Variants in HCRTR2 observed in about 807,000 individuals in gnomAD.
HCRTR2 encodes the protein orexin receptor type 2.
A neutral mutation model predicts 49.0 loss-of-function variants in HCRTR2; 22 were observed. That is an observed-to-expected ratio of 0.45 (90% CI 0.32 to 0.64). HCRTR2 has a LOEUF of 0.64. HCRTR2 is among the 30% of genes least tolerant of loss of function. The pLI is 0.04. For synonymous variants in HCRTR2, 236 were observed against 205.3 expected (o/e 1.15, Z -1.28); for missense variants, 491 against 559.4 (o/e 0.88, Z 1.23).
chr6:55,255,079 G>C (rs1008174456), intron 2 of HCRTR2, 57 bp from the exon 3 acceptor site: 99 of 1,583,306 alleles, frequency 6.3e-5, no homozygotes, highest in Middle Eastern at 1.9e-4. Context: ...AATATATTAA[G>C]AGTAATTCTT....
rs967173026 is a variant in HCRTR2, at chr6:55,248,520, C to T, written c.224-119C>T. ...AGATTCAGTGAAAACACGGCACAGC[C>T]TTCAATTATTTTTCTTTTTAAATAC... On this transcript the variant is annotated intron_variant, in intron 1 of 6. Coordinates refer to ENST00000370862, the MANE Select transcript of HCRTR2 (RefSeq NM_001384272.1). 4 of 823,586 alleles carry T rather than the reference C, an allele frequency of 4.9e-6. No individual in the cohort carries two copies. In the African/African-American group the frequency reaches 5.1e-5, roughly 10 times the overall value. The allele number at this position is 823,586 out of a possible 1,614,324, so 51.0% of individuals were successfully genotyped here.
intron 1 of HCRTR2, among the ~76,000 whole-genome samples, chr6:55,136,449 G>T (rs903326327): frequency 6.6e-6 from 1 of 152,072 alleles, no homozygotes; most frequent in Non-Finnish European, 1.5e-5. Context: ...ACTGGGAAAA[G>T]AAATTCCTTC....
chr6:55,107,690 A>G (rs1179257709), intron 1 of HCRTR2, among the ~76,000 whole-genome samples: 1 of 152,142 alleles, frequency 6.6e-6, no homozygotes, highest in African/African-American at 2.4e-5. Flanking sequence ...CTTTCTTATC[A>G]AGTTTTACAC....
chr6:55,236,766 T>G (rs978007489), intron 1 of HCRTR2, among the ~76,000 whole-genome samples: 1 of 152,124 alleles, frequency 6.6e-6, no homozygotes, highest in Non-Finnish European at 1.5e-5. Flanking sequence ...ATAATATAAG[T>G]GGGTGTGATT....
chr6:55,131,857 T>C (rs934674250), intron 1 of HCRTR2, among the ~76,000 whole-genome samples: 5 of 151,644 alleles, frequency 3.3e-5, no homozygotes, highest in Admixed American at 6.6e-5. Context: ...CTGAGGAAAA[T>C]AAGAAACTCC....
At chr6:55,221,736 C>T (rs1765900636) in intron 1 of HCRTR2, among the ~76,000 whole-genome samples, 1 of 151,486 alleles carries the variant, frequency 6.6e-6, no homozygotes, top group Admixed American at 6.6e-5. Context: ...TGGCGTGAAC[C>T]TCAGAGGCAG....
At chr6:55,195,796 G>A (rs919562599) in intron 1 of HCRTR2, among the ~76,000 whole-genome samples, 8 of 152,094 alleles carry the variant, frequency 5.3e-5, no homozygotes, top group Non-Finnish European at 8.8e-5. Context: ...GTGAAACCCC[G>A]TCTCTACTAA....
chr6:55,110,775 G>C (rs1764038133), intron 1 of HCRTR2, among the ~76,000 whole-genome samples: 1 of 152,042 alleles, frequency 6.6e-6, no homozygotes. Flanking sequence ...GAAAACAATA[G>C]TGGGAGACTT....
intron 1 of HCRTR2, among the ~76,000 whole-genome samples, chr6:55,165,418 G>C (rs576692339): frequency 1.6e-4 from 25 of 151,974 alleles, no homozygotes; most frequent in Admixed American, 9.2e-4. Context: ...TGGGATAATT[G>C]GGTATGCAAA....
chr6:55,234,289 C>T (rs2127301205), intron 1 of HCRTR2, among the ~76,000 whole-genome samples: 1 of 152,072 alleles, frequency 6.6e-6, no homozygotes, highest in South Asian at 2.1e-4. Flanking sequence ...CATTGAGAAT[C>T]TACTATGTTT....
chr6:55,224,371 A>G (rs1333562569), intron 1 of HCRTR2, among the ~76,000 whole-genome samples: 1 of 152,130 alleles, frequency 6.6e-6, no homozygotes, highest in African/African-American at 2.4e-5. Flanking sequence ...TAATCGCAGC[A>G]CTTTGGGAGG....
chr6:55,137,422 A>G (rs189291704), intron 1 of HCRTR2, among the ~76,000 whole-genome samples: 19 of 152,312 alleles, frequency 1.2e-4, no homozygotes, highest in African/African-American at 4.3e-4. Flanking sequence ...CAAAAAAGAG[A>G]GAAAAAATAA....
At chr6:55,156,292 T>C (rs1235809161) in intron 1 of HCRTR2, among the ~76,000 whole-genome samples, 1 of 151,708 alleles carries the variant, frequency 6.6e-6, no homozygotes, top group Non-Finnish European at 1.5e-5. Flanking sequence ...CTTTTACTCC[T>C]AGCACTCACA....
At chr6:55,168,164 C>G (rs560097816) in intron 1 of HCRTR2, among the ~76,000 whole-genome samples, 1 of 152,084 alleles carries the variant, frequency 6.6e-6, no homozygotes, top group African/African-American at 2.4e-5. Context: ...AACATTTATG[C>G]CCTTAGGAGA....
intron 4 of HCRTR2, among the ~76,000 whole-genome samples, chr6:55,273,700 A>G (rs1200266690): frequency 1.6e-5 from 2 of 128,828 alleles, no homozygotes; most frequent in African/African-American, 5.4e-5. Flanking sequence ...TTCATTGCTC[A>G]TATACTTTCT....
rs1056378670 is a variant in HCRTR2 at position 55,115,489 on chromosome 6, T to A, written c.-378+8944T>A. 8.1e-4 allele frequency among the ~76,000 whole-genome samples: 111 copies of A among 137,068 alleles called. 2 individuals carry two copies. The highest frequency in any genetic ancestry group is 1.7e-4 in the Non-Finnish European group (11 of 63,800). 89.9% of individuals were successfully genotyped at this position (137,068 alleles called of 152,430 possible). On this transcript the variant is annotated intron_variant, in intron 1 of 7. Coordinates refer to the HCRTR2 transcript ENST00000615358. ...ATTGTGTTGCTAAAGAGTGTGTGTGTGTGTGTGTGTGTGTGTGTGTGTGGT... is the reference window on the plus strand; with the variant it reads ...ATTGTGTTGCTAAAGAGTGTGTGTGAGTGTGTGTGTGTGTGTGTGTGTGGT...
At chr6:55,275,420 T>A (rs1767059006) in intron 4 of HCRTR2, among the ~76,000 whole-genome samples, 1 of 152,068 alleles carries the variant, frequency 6.6e-6, no homozygotes, top group Admixed American at 6.5e-5. Context: ...CCTCTTAATT[T>A]TATACGGAGT....
intron 1 of HCRTR2, among the ~76,000 whole-genome samples, chr6:55,226,282 T>A (rs190428135): frequency 6.6e-6 from 1 of 152,314 alleles, no homozygotes; most frequent in Non-Finnish European, 1.5e-5. Context: ...TTCCTATTTG[T>A]TCAGGATGAA....
chr6:55,253,218 G>GCAACACA (rs554198907), intron 2 of HCRTR2, among the ~76,000 whole-genome samples: 3 of 142,056 alleles, frequency 2.1e-5, no homozygotes, highest in South Asian at 2.2e-4. Flanking sequence ...ACACACACAC[G>GCAACACA]CAACACACAA....
Sources: allele counts gnomAD v4.1 joint callset (sites outside exome capture counted in the v4.1 genomes callset), GRCh38; gene constraint gnomAD v4.1.1; transcripts MANE v1.5; gene names NCBI Gene and HGNC (gene_info 2026-07-23, HGNC 2026-07-21).